Variants in NAA15 observed in about 807,000 individuals in gnomAD.
NAA15 encodes the protein N-terminal acetyltransferase.
In NAA15, 34 loss-of-function variants were observed where a neutral mutation model predicts 114.0. The observed-to-expected ratio is 0.30, with a 90% CI of 0.23 to 0.40. NAA15 has a LOEUF of 0.40. Among genes scored for constraint, NAA15 ranks in the 10% least tolerant of loss-of-function variants. NAA15 has a pLI of 1.00. For synonymous variants in NAA15, 340 were observed against 338.0 expected (o/e 1.01, Z -0.06); for missense variants, 658 against 1,004.5 (o/e 0.66, Z 4.66).
chr4:139,353,461 T>TA (rs1424109331), intron 9 of NAA15, among the ~76,000 whole-genome samples: 2 of 152,012 alleles, frequency 1.3e-5, no homozygotes, highest in Non-Finnish European at 2.9e-5. Context: ...AAGTAGTAAA[T>TA]AAAAAATGCT....
At position 139,338,741 on chromosome 4, in the gene NAA15, C is replaced by G. The variant is rs566764020; in HGVS notation, c.244+1789C>G. ...GGGATTACAGGTGTGAGCCACCATG[C>G]CTGGCCAACATTCTGTATTTTATTG... On this transcript the variant is annotated intron_variant, in intron 3 of 19. Transcript: ENST00000296543. 1.5e-4 allele frequency among the ~76,000 whole-genome samples: 23 copies of G among 152,184 alleles called. No individual in the cohort carries two copies. In the South Asian group the frequency reaches 4.6e-3, roughly 30 times the overall value.
chr4:139,362,793 C>A (rs1349632722), intron 14 of NAA15, among the ~76,000 whole-genome samples: 1 of 151,374 alleles, frequency 6.6e-6, no homozygotes, highest in Non-Finnish European at 1.5e-5. Flanking sequence ...TGGGACAGAA[C>A]CTGAGAATGA....
chr4:139,381,076 CT>C (rs1489370282), intron 17 of NAA15, among the ~76,000 whole-genome samples: 1 of 152,062 alleles, frequency 6.6e-6, no homozygotes, highest in Non-Finnish European at 1.5e-5. Context: ...GGAAGCTTTG[CT>C]GAGTGAATAT....
intron 11 of NAA15, among the ~76,000 whole-genome samples, chr4:139,358,617 G>A (rs1016402961): frequency 6.6e-6 from 1 of 151,970 alleles, no homozygotes; most frequent in African/African-American, 2.4e-5. Flanking sequence ...TTGTTACATA[G>A]GTATACATGT....
At chr4:139,383,951 G>A (rs1748821855) in intron 17 of NAA15, among the ~76,000 whole-genome samples, 1 of 152,204 alleles carries the variant, frequency 6.6e-6, no homozygotes, top group African/African-American at 2.4e-5. Context: ...AAAATTTGTT[G>A]TCTTCAGCAC....
intron 1 of NAA15, among the ~76,000 whole-genome samples, chr4:139,310,827 C>T (rs1165722011): frequency 6.6e-6 from 1 of 151,738 alleles, no homozygotes; most frequent in Non-Finnish European, 1.5e-5. Flanking sequence ...CCATGTTGGC[C>T]AGGCTGGTCT....
At chr4:139,362,526 G>A (rs1748164983) in intron 14 of NAA15, among the ~76,000 whole-genome samples, 1 of 152,058 alleles carries the variant, frequency 6.6e-6, no homozygotes, top group African/African-American at 2.4e-5. Context: ...GCCCACCTCG[G>A]CCTCCCAGAG....
chr4:139,322,795 G>A (rs1321276855), intron 1 of NAA15, among the ~76,000 whole-genome samples: 2 of 152,112 alleles, frequency 1.3e-5, no homozygotes, highest in African/African-American at 4.8e-5. Flanking sequence ...GGGTTCAAGC[G>A]ATTCTTGTGC....
In NAA15 at chr4:139,349,436, T is replaced by A. The variant is rs541666295; in HGVS notation, c.692-26T>A. The A allele has an allele frequency of 2.6e-3, 2,547 of 974,462 alleles. 11 individuals carry two copies. Among genetic ancestry groups the A allele is most frequent in the Middle Eastern group, 0.022 (91 of 4,122 alleles). The allele number at this position is 974,462 out of a possible 1,614,324, so 60.4% of individuals were successfully genotyped here. A position where few individuals can be genotyped will look rare whatever the true frequency, so the allele number is the denominator to read the frequency against. The stretch of plus-strand genomic sequence containing the variant: ...TGGAAGGTTTTCTCAGATATTAAAA[T>A]TTTTTTTTTTTCTGTTTTTAATCAG... On this transcript the variant is annotated intron_variant, in intron 6 of 19. Transcript: ENST00000296543.
chr4:139,323,166 C>T (rs1375406833), intron 1 of NAA15, among the ~76,000 whole-genome samples: 4 of 150,690 alleles, frequency 2.7e-5, no homozygotes, highest in Admixed American at 2.0e-4. Flanking sequence ...AAGCGATTCT[C>T]CTGCCTCAGC....
intron 1 of NAA15, among the ~76,000 whole-genome samples, chr4:139,306,785 T>G (rs956481042): frequency 6.6e-6 from 1 of 152,086 alleles, no homozygotes. Flanking sequence ...GTAGGAAAAA[T>G]GAGGTTGCCA....
chr4:139,362,425 C>T (rs1473592456), intron 14 of NAA15, among the ~76,000 whole-genome samples: 1 of 152,082 alleles, frequency 6.6e-6, no homozygotes, highest in Non-Finnish European at 1.5e-5. Flanking sequence ...AGGTGCCCAC[C>T]ACCACGCCTG....
At chr4:139,366,140 A>C (rs1748276614) in intron 14 of NAA15, among the ~76,000 whole-genome samples, 1 of 152,128 alleles carries the variant, frequency 6.6e-6, no homozygotes, top group Admixed American at 6.5e-5. Context: ...TCATAAATTA[A>C]TCCCTAAATT....
chr4:139,328,816 T>A (rs1746895446), intron 1 of NAA15, among the ~76,000 whole-genome samples: 1 of 151,774 alleles, frequency 6.6e-6, no homozygotes, highest in East Asian at 1.9e-4. Flanking sequence ...TCCGCTTGCC[T>A]CTGCCTCCCA....
rs1436896820 is a variant in NAA15, at chr4:139,351,210, A to G, written c.831A>G (p.Leu277=). Reference sequence around the variant, plus strand: ...TTGCAGCTAATATGTTAGAACGGCTAAAAATTTATGAGGAAGCCTGGACTA... The same window carrying G: ...TTGCAGCTAATATGTTAGAACGGCTGAAAATTTATGAGGAAGCCTGGACTA... ...ALKPANMLER[L]KIYEEAWTKY... is the part of the protein sequence containing the mutation. Residue 277 remains leucine (L), a synonymous_variant, in exon 8 of 20, where the codon CTA becomes CTG. Transcript: ENST00000296543. 2 of 1,599,250 alleles carry G rather than the reference A, an allele frequency of 1.3e-6. No individual in the cohort carries two copies. The highest frequency in any genetic ancestry group is 1.7e-6 in the Non-Finnish European group (2 of 1,171,854).
intron 1 of NAA15, among the ~76,000 whole-genome samples, chr4:139,321,573 G>A (rs1307470826): frequency 6.9e-6 from 1 of 145,746 alleles, no homozygotes; most frequent in Non-Finnish European, 1.5e-5. Flanking sequence ...CCGGATTCAT[G>A]CCATTCTCCT....
chr4:139,379,029 A>G (rs1043827065), intron 17 of NAA15, 175 bp downstream of exon 17: 1 of 447,548 alleles, frequency 2.2e-6, no homozygotes, highest in Non-Finnish European at 3.9e-6. Context: ...TTTTAAGGAT[A>G]CAAGTATTAC....
At chr4:139,315,031 G>T (rs151172793) in intron 1 of NAA15, among the ~76,000 whole-genome samples, 5,401 of 45,764 alleles carry the variant, frequency 0.12, 540 homozygotes, top group African/African-American at 0.26. Flanking sequence ...GTTAGGTTAG[G>T]TTAGGTTAGG....
chr4:139,369,557 G>C (rs903501849), intron 14 of NAA15, among the ~76,000 whole-genome samples: 4 of 151,968 alleles, frequency 2.6e-5, no homozygotes, highest in Admixed American at 1.3e-4. Flanking sequence ...GACCAACATG[G>C]TGAAACCCCG....
Sources: allele counts gnomAD v4.1 joint callset (sites outside exome capture counted in the v4.1 genomes callset), GRCh38; gene constraint gnomAD v4.1.1; transcripts MANE v1.5; gene names NCBI Gene and HGNC (gene_info 2026-07-23, HGNC 2026-07-21).